The following INPP5D variants were observed in gnomAD, a reference collection of about 807,000 sequenced individuals.
INPP5D encodes inositol polyphosphate-5-phosphatase D, also known as phosphatidylinositol 3,4,5-trisphosphate 5-phosphatase 1.
In INPP5D, 33 loss-of-function variants were observed where a neutral mutation model predicts 122.9. The observed-to-expected ratio is 0.27, with a 90% CI of 0.20 to 0.36. INPP5D has a LOEUF of 0.36. Ranked by LOEUF, INPP5D falls within the 10% of genes least tolerant of loss-of-function variation. INPP5D has a pLI of 1.00. For synonymous variants in INPP5D, 584 were observed against 576.2 expected (o/e 1.01, Z -0.19); for missense variants, 1,053 against 1,412.7 (o/e 0.75, Z 4.08).
chr2:233,138,009 A>ATTATATTAATAATGTAATGAGATTATG (rs1693538738), intron 5 of INPP5D, among the ~76,000 whole-genome samples: 1 of 145,442 alleles, frequency 6.9e-6, no homozygotes, highest in Non-Finnish European at 1.5e-5. Flanking sequence ...ATGAGATTAT[A>ATTATATTAATAATGTAATGAGATTATG]TTATATTAAT....
intron 4 of INPP5D, among the ~76,000 whole-genome samples, chr2:233,127,427 T>A (rs1366244032): frequency 6.6e-6 from 1 of 152,218 alleles, no homozygotes; most frequent in Non-Finnish European, 1.5e-5. Flanking sequence ...CTTGTCAAGC[T>A]GCTTTGCACA....
chr2:233,103,611 C>T (rs938381265), intron 2 of INPP5D, among the ~76,000 whole-genome samples: 1 of 152,132 alleles, frequency 6.6e-6, no homozygotes, highest in African/African-American at 2.4e-5. Flanking sequence ...TCTGCCACTT[C>T]CAGGGCAAGT....
Position 233,100,985 on chromosome 2 carries a change from C to A in INPP5D, c.199-21122C>A, listed in dbSNP as rs185386726. 7.5e-6 allele frequency among the ~76,000 whole-genome samples: 1 copy of A among 132,744 alleles called. No individual in the cohort carries two copies. Among genetic ancestry groups the A allele is most frequent in the African/African-American group, 3.2e-5 (1 of 31,712 alleles). The allele number at this position is 132,744 out of a possible 152,430, so 87.1% of individuals were successfully genotyped here. A position where few individuals can be genotyped will look rare whatever the true frequency, so the allele number is the denominator to read the frequency against. ...GGTAATCCCCTCCGTGTGCCCCCAA[C>A]GAGTCATTCACCATCTTGTGCTAAC... On this transcript the variant is annotated intron_variant, in intron 2 of 26. Coordinates refer to ENST00000445964, the MANE Select transcript of INPP5D (RefSeq NM_001017915.3). This position sits in a 1 kb window ranked among gnomAD's most constrained non-coding sequence, Gnocchi z 5.3.
intron 5 of INPP5D, among the ~76,000 whole-genome samples, chr2:233,133,515 G>C (rs1693387895): frequency 6.6e-6 from 1 of 152,228 alleles, no homozygotes; most frequent in South Asian, 2.1e-4. Context: ...TGGTCAACAA[G>C]TAAAAGCACA....
chr2:233,108,604 C>G (rs753002364), intron 2 of INPP5D, among the ~76,000 whole-genome samples: 3 of 152,170 alleles, frequency 2.0e-5, no homozygotes, highest in Admixed American at 6.5e-5. Flanking sequence ...CTTCCAAGCC[C>G]CAGGAACCCA....
intron 1 of INPP5D, among the ~76,000 whole-genome samples, chr2:233,064,212 C>T (rs1380268324): frequency 2.0e-5 from 3 of 152,240 alleles, no homozygotes; most frequent in South Asian, 2.1e-4. Context: ...CGCAGGAGGG[C>T]GGCGTTCCCA....
intron 2 of INPP5D, among the ~76,000 whole-genome samples, chr2:233,083,762 G>A (rs1691753688): frequency 6.6e-6 from 1 of 152,178 alleles, no homozygotes; most frequent in South Asian, 2.1e-4. Context: ...CTCCAGGGTG[G>A]CCAGGGAGGC....
At chr2:233,195,937 C>T (rs1574803183) in intron 24 of INPP5D, among the ~76,000 whole-genome samples, 1 of 152,254 alleles carries the variant, frequency 6.6e-6, no homozygotes, top group East Asian at 1.9e-4. Context: ...CACCACTGTA[C>T]TCCAGCCTGG....
Position 233,170,685 on chromosome 2 carries a change from C to T in INPP5D, c.1900+81C>T, listed in dbSNP as rs368025158. 2.7e-5 allele frequency: 41 copies of T among 1,544,112 alleles called. No individual in the cohort carries two copies. Among genetic ancestry groups the T allele is most frequent in the African/African-American group, 1.2e-4 (9 of 73,364 alleles). On this transcript the variant is annotated intron_variant, in intron 16 of 26. Coordinates refer to ENST00000445964, the MANE Select transcript of INPP5D (RefSeq NM_001017915.3). This position sits in a 1 kb window ranked among gnomAD's most constrained non-coding sequence, Gnocchi z 4.5. ...TTAGGAGGCCGAGGCGGGCGGATCA[C>T]GAGATCAGGAGATGGAGACCATCCT...
intron 5 of INPP5D, among the ~76,000 whole-genome samples, chr2:233,131,614 C>T (rs1693329121): frequency 6.6e-6 from 1 of 152,050 alleles, no homozygotes; most frequent in Admixed American, 6.6e-5. Context: ...GCAGGAGAAT[C>T]ACTTGAACCT....
At chr2:233,063,111 C>G (rs1039952935) in intron 1 of INPP5D, among the ~76,000 whole-genome samples, 27 of 152,216 alleles carry the variant, frequency 1.8e-4, no homozygotes, top group African/African-American at 6.0e-4. Context: ...CAGAGGCAGA[C>G]AGTCCCAGGC....
At position 233,164,570 on chromosome 2, in the gene INPP5D, G is replaced by A. The variant is rs2106296162; in HGVS notation, c.1555+146G>A. The A allele has an allele frequency of 7.9e-7, 1 of 1,264,258 alleles. No individual in the cohort carries two copies. 78.3% of individuals were successfully genotyped at this position (1,264,258 alleles called of 1,614,324 possible). On this transcript the variant is annotated intron_variant, in intron 13 of 26. Coordinates refer to ENST00000445964, the MANE Select transcript of INPP5D (RefSeq NM_001017915.3). This position sits in a 1 kb window ranked among gnomAD's most constrained non-coding sequence, Gnocchi z 4.3. ...TCCTGGCTCAGTCCTCAGCAAATAG[G>A]GGTGATTGGTCTCCCTGGCTGAAAC...
At chr2:233,151,023 C>A (rs1053213193) in intron 9 of INPP5D, among the ~76,000 whole-genome samples, 1 of 152,126 alleles carries the variant, frequency 6.6e-6, no homozygotes, top group Non-Finnish European at 1.5e-5. Context: ...CCGCTGGGCA[C>A]GCCATCCTAG....
chr2:233,163,006 C>T (rs1314047746), intron 11 of INPP5D, among the ~76,000 whole-genome samples: 3 of 152,188 alleles, frequency 2.0e-5, no homozygotes, highest in African/African-American at 7.2e-5. Context: ...CCCACCAGCC[C>T]GGGGGTTCGG....
chr2:233,066,838 G>T (rs1490807387), intron 1 of INPP5D, among the ~76,000 whole-genome samples: 2 of 152,054 alleles, frequency 1.3e-5, no homozygotes, highest in East Asian at 3.9e-4. Context: ...GAATGCAATG[G>T]TGTGTTCTTG....
At chr2:233,178,333 T>G (rs1179408186) in intron 18 of INPP5D, among the ~76,000 whole-genome samples, 2 of 152,188 alleles carry the variant, frequency 1.3e-5, no homozygotes, top group African/African-American at 4.8e-5. Flanking sequence ...GAAGGAGTTC[T>G]TAATTGCCTG....
Position 233,170,390 on chromosome 2 carries a change from CA to C in INPP5D, c.1792-105del. ...ACTGTCACAGCCACCCTGCCACCAT[CA>C]CTCTGCAGCCCGGGTCATCCAGCTG... is the stretch of plus-strand genomic sequence containing the variant. On this transcript the variant is annotated intron_variant, in intron 15 of 26. Transcript: ENST00000445964. The surrounding 1 kb of genome is among the most constrained non-coding windows in gnomAD (Gnocchi z 4.5). 2.6e-6 allele frequency: 4 copies of C among 1,535,428 alleles called. No homozygotes were observed. The South Asian group carries it at 4.9e-5, about 19-fold the overall frequency.
In INPP5D at chr2:233,078,014, C is replaced by T. The variant is rs998652148; in HGVS notation, c.135-1321C>T. ...GGCTGGTCCTGTCTACAGGGCTCTA[C>T]GGGCCAGGTGAGCCTTCCGGGCTCA... On this transcript the variant is annotated intron_variant, in intron 1 of 26. Coordinates refer to ENST00000445964, the MANE Select transcript of INPP5D (RefSeq NM_001017915.3). This position sits in a 1 kb window ranked among gnomAD's most constrained non-coding sequence, Gnocchi z 4.6. Among the ~76,000 whole-genome samples the T allele has an allele frequency of 8.5e-5, 13 of 152,304 alleles. No homozygotes were observed. Among genetic ancestry groups the T allele is most frequent in the Non-Finnish European group, 1.5e-4 (10 of 68,026 alleles).
At position 233,170,247 on chromosome 2, in the gene INPP5D, G is replaced by C. The variant is rs757390084; in HGVS notation, c.1791+83G>C. On this transcript the variant is annotated intron_variant, in intron 15 of 26. Coordinates refer to ENST00000445964, the MANE Select transcript of INPP5D (RefSeq NM_001017915.3). The surrounding 1 kb of genome is among the most constrained non-coding windows in gnomAD (Gnocchi z 4.5). ...AGTCAGCTTGGGGCAGGTGGTCGTG[G>C]AGACATGTGAATCAAGTGGGCTGAG... 9 of 1,552,698 alleles carry C rather than the reference G, an allele frequency of 5.8e-6. No homozygotes were observed. The highest frequency in any genetic ancestry group is 7.8e-6 in the Non-Finnish European group (9 of 1,147,552).
Sources: allele counts gnomAD v4.1 joint callset (sites outside exome capture counted in the v4.1 genomes callset), GRCh38; gene constraint gnomAD v4.1.1; non-coding constraint Gnocchi (gnomAD v3.1); transcripts MANE v1.5; gene names NCBI Gene and HGNC (gene_info 2026-07-23, HGNC 2026-07-21).